RERE: variants seen among roughly 807,000 people sequenced by gnomAD.
The protein encoded by RERE is arginine-glutamic acid dipeptide repeats protein.
RERE carries 40 observed loss-of-function variants against 146.1 expected under a neutral mutation model. The observed-to-expected ratio is 0.27, with a 90% CI of 0.21 to 0.36. The LOEUF is 0.36. Ranked by LOEUF, RERE falls within the 10% of genes least tolerant of loss-of-function variation. The probability of loss-of-function intolerance (pLI) is 1.00; values close to 1 mark genes in which losing one functional copy is unlikely to be tolerated. For missense variants in RERE, 1,933 were observed against 2,138.7 expected, an observed-to-expected ratio of 0.90 and a Z score of 1.90; for synonymous variants, 1,003 against 866.0, an observed-to-expected ratio of 1.16 and a Z score of -2.78.
intron 1 of RERE, among the ~76,000 whole-genome samples, chr1:8,729,029 G>C (rs1278289287): frequency 6.6e-6 from 1 of 151,920 alleles, no homozygotes; most frequent in Non-Finnish European, 1.5e-5. Flanking sequence ...GCTGGGCATG[G>C]TGGCGCAAGC....
Position 8,358,550 on chromosome 1 carries a change from C to T in RERE, c.3985G>A (p.Val1329Met). The change falls in exon 20 of 23, where the codon GTG (valine) becomes ATG (methionine). Residue 1329 changes from valine (V) to methionine (M), a missense_variant. Transcript: ENST00000400908. The stretch of plus-strand genomic sequence containing the variant: ...AGGGGGTCCAGCTCTGGGGGCTTCA[C>T]CTCGAAGCCCGGCTTCATCCTCTCC... ...LRERMKPGFE[V>M]KPPELDPLHP... The T allele has an allele frequency of 1.2e-6, 2 of 1,604,106 alleles. No individual in the cohort carries two copies. The highest frequency in any genetic ancestry group is 1.3e-5 in the African/African-American group (1 of 74,782).
intron 11 of RERE, among the ~76,000 whole-genome samples, chr1:8,449,020 AC>A (rs1644359427): frequency 6.6e-6 from 1 of 152,198 alleles, no homozygotes; most frequent in East Asian, 1.9e-4. Flanking sequence ...TAACTTGGGG[AC>A]AGCCCTGAGA....
chr1:8,699,634 C>T (rs921738813), intron 1 of RERE, among the ~76,000 whole-genome samples: 15 of 152,164 alleles, frequency 9.9e-5, no homozygotes, highest in African/African-American at 3.6e-4. Flanking sequence ...ACCTACTTCC[C>T]TCCATTATTC....
intron 2 of RERE, among the ~76,000 whole-genome samples, chr1:8,634,886 C>A (rs555520365): frequency 1.3e-5 from 2 of 152,244 alleles, no homozygotes; most frequent in East Asian, 3.9e-4. Flanking sequence ...CAGGTGCCCA[C>A]CACCACGCCC....
chr1:8,601,626 CCA>C (rs3082094), intron 4 of RERE, among the ~76,000 whole-genome samples: 1,979 of 94,804 alleles, frequency 0.021, 15 homozygotes, highest in African/African-American at 0.046. Context: ...TCCAAGGTCA[CCA>C]CACACACACA....
intron 12 of RERE, among the ~76,000 whole-genome samples, chr1:8,378,142 G>T (rs568972669): frequency 1.3e-5 from 2 of 152,176 alleles, no homozygotes; most frequent in Non-Finnish European, 2.9e-5. Context: ...TAAAAGGAGC[G>T]GAAACAAAAA....
Position 8,364,360 on chromosome 1 carries a change from C to A in RERE, c.1541-105G>T. The A allele has an allele frequency of 1.0e-6, 1 of 984,294 alleles. No individual in the cohort carries two copies. The allele number at this position is 984,294 out of a possible 1,614,324, so 61.0% of individuals were successfully genotyped here. On this transcript the variant is annotated intron_variant, in intron 14 of 22. Transcript: ENST00000400908. The surrounding 1 kb of genome is among the most constrained non-coding windows in gnomAD (Gnocchi z 5.1). The stretch of plus-strand genomic sequence containing the variant: ...TGGGCTCTACCCAAACCTGATGCCA[C>A]CAGCACCATGCAGCCCTGGGCCCCA...
chr1:8,400,250 G>GTGTGTGTGTT (rs1643205115), intron 12 of RERE, among the ~76,000 whole-genome samples: 3 of 151,530 alleles, frequency 2.0e-5, no homozygotes, highest in Non-Finnish European at 4.4e-5. Flanking sequence ...GTGTGTGTGT[G>GTGTGTGTGTT]TGTGTACATA....
At chr1:8,661,895 A>C (rs1488320230) in intron 1 of RERE, among the ~76,000 whole-genome samples, 1 of 152,224 alleles carries the variant, frequency 6.6e-6, no homozygotes, top group Non-Finnish European at 1.5e-5. Flanking sequence ...ACTTTTTGAC[A>C]AAACTTTTAA....
At chr1:8,495,999 G>C (rs906290831) in intron 9 of RERE, among the ~76,000 whole-genome samples, 1 of 151,608 alleles carries the variant, frequency 6.6e-6, no homozygotes, top group Non-Finnish European at 1.5e-5. Flanking sequence ...AACATAGAGA[G>C]AGAAAAAAAA....
chr1:8,764,103 T>A (rs1325018341), intron 1 of RERE, among the ~76,000 whole-genome samples: 1 of 152,088 alleles, frequency 6.6e-6, no homozygotes. Flanking sequence ...ATGCTTCTTA[T>A]CAAGATGGTT....
In RERE at chr1:8,378,549, A is replaced by T. The variant is rs141861779; in HGVS notation, c.1285-12575T>A. Among the ~76,000 whole-genome samples, 793 of 152,280 alleles carry T rather than the reference A, an allele frequency of 5.2e-3. 6 individuals are homozygous for T. The highest frequency in any genetic ancestry group is 9.8e-3 in the Non-Finnish European group (670 of 68,022). On this transcript the variant is annotated intron_variant, in intron 12 of 22. Coordinates refer to ENST00000400908, the MANE Select transcript of RERE (RefSeq NM_001042681.2). ...CTAATCCAGTACGACTGGTGTCCTT[A>T]TAAGAAGAGATGAGGACACAGACAC... is the stretch of plus-strand genomic sequence containing the variant.
At chr1:8,655,947 C>A (rs779960772) in intron 2 of RERE, 26 bp downstream of exon 2, 7 of 1,603,308 alleles carry the variant, frequency 4.4e-6, no homozygotes, top group Non-Finnish European at 5.1e-6. Context: ...TAAACATTGG[C>A]AAGACCCAAA....
chr1:8,735,501 G>C (rs1306750595), intron 1 of RERE, among the ~76,000 whole-genome samples: 5 of 152,034 alleles, frequency 3.3e-5, no homozygotes, highest in Non-Finnish European at 5.9e-5. Flanking sequence ...CTGTATCTTT[G>C]AGATTGTTCC....
At chr1:8,527,183 G>A (rs1386099377) in intron 7 of RERE, among the ~76,000 whole-genome samples, 1 of 152,160 alleles carries the variant, frequency 6.6e-6, no homozygotes, top group East Asian at 1.9e-4. Context: ...TGCCGATAAT[G>A]TAATTTAGAA....
intron 7 of RERE, among the ~76,000 whole-genome samples, chr1:8,514,345 C>G (rs889625654): frequency 6.6e-6 from 1 of 152,208 alleles, no homozygotes; most frequent in Admixed American, 6.5e-5. Context: ...TCAAATGTCT[C>G]GACGGAACCA....
intron 12 of RERE, among the ~76,000 whole-genome samples, chr1:8,418,773 G>GATTC (rs1438815401): frequency 6.6e-6 from 1 of 152,150 alleles, no homozygotes; most frequent in Non-Finnish European, 1.5e-5. Context: ...TCCTAACATG[G>GATTC]ATTCACCTTT....
At chr1:8,689,183 T>C (rs1246506641) in intron 1 of RERE, among the ~76,000 whole-genome samples, 1 of 152,198 alleles carries the variant, frequency 6.6e-6, no homozygotes. Context: ...CTTATGAATA[T>C]AAACTTTGTA....
At chr1:8,735,546 A>G (rs1173182224) in intron 1 of RERE, among the ~76,000 whole-genome samples, 1 of 152,026 alleles carries the variant, frequency 6.6e-6, no homozygotes, top group African/African-American at 2.4e-5. Flanking sequence ...ATTCTTTTTC[A>G]CTGCTGCAGA....
Sources: gnomAD v4.1 joint callset for allele counts (sites outside exome capture counted in the v4.1 genomes callset) on GRCh38, gnomAD v4.1.1 for gene constraint, Gnocchi (gnomAD v3.1) non-coding constraint, MANE v1.5 for transcripts, NCBI Gene and HGNC (gene_info 2026-07-23, HGNC 2026-07-21) for gene names.